The following LDLRAD2 variants were observed in gnomAD, a reference collection of about 807,000 sequenced individuals.
LDLRAD2 encodes low-density lipoprotein receptor class A domain-containing protein 2.
In LDLRAD2, 25 loss-of-function variants were observed where a neutral mutation model predicts 24.9. The observed-to-expected ratio is 1.00, with a 90% confidence interval of 0.73 to 1.40. The LOEUF is 1.40. Ranked by LOEUF, LDLRAD2 falls within the 40% of genes most tolerant of loss-of-function variation. LDLRAD2 has a pLI of 0.00. For missense variants in LDLRAD2, 391 were observed against 366.2 expected (o/e 1.07, Z -0.55); for synonymous variants, 182 against 166.7 (o/e 1.09, Z -0.71).
rs761268346 is a variant in LDLRAD2, at chr1:21,815,967, G to T, written c.536G>T (p.Cys179Phe). ...RLGPCGAYFR[C>F]QNGRCIPSSL... ...GGACCTTGTGGTGCCTACTTCCGCT[G>T]CCAGAATGGCAGGTGCATCCCCTCA... The change falls in exon 3 of 5, where the codon TGC becomes TTC. Residue 179 changes from cysteine to phenylalanine, a missense_variant. Coordinates refer to ENST00000344642, the MANE Select transcript of LDLRAD2 (RefSeq NM_001013693.3). The T allele has an allele frequency of 1.2e-6, 2 of 1,613,970 alleles. No homozygotes were observed. The highest frequency in any genetic ancestry group is 1.7e-6 in the Non-Finnish European group (2 of 1,179,992).
Position 21,824,134 on chromosome 1 carries a change from C to A in LDLRAD2, c.*1919C>A, listed in dbSNP as rs144217842. 13 of 1,613,320 alleles carry A rather than the reference C, an allele frequency of 8.1e-6. No individual in the cohort carries two copies. The South Asian group carries it at 1.3e-4, about 16-fold the overall frequency. ...AGGGTCCCTTACCGCAGTGCTGTCA[C>A]CCGGTGCCACTCGCCGTCATTGATG... On this transcript the variant is annotated 3_prime_UTR_variant, in exon 5 of 5. Transcript: ENST00000344642. This position sits in a 1 kb window ranked among gnomAD's most constrained non-coding sequence, Gnocchi z 5.9.
intron 3 of LDLRAD2, among the ~76,000 whole-genome samples, chr1:21,820,120 A>G (rs1169343812): frequency 2.0e-5 from 3 of 152,228 alleles, no homozygotes; most frequent in Admixed American, 6.5e-5. Flanking sequence ...GGGAATTACA[A>G]TTTGACCTGA....
Position 21,813,014 on chromosome 1 carries a change from C to T in LDLRAD2, c.85+478C>T, listed in dbSNP as rs545131655. Among the ~76,000 whole-genome samples, 5 of 152,276 alleles carry T rather than the reference C, an allele frequency of 3.3e-5. No individual in the cohort carries two copies. The East Asian group carries it at 5.8e-4, about 18-fold the overall frequency. On this transcript the variant is annotated intron_variant, in intron 1 of 4. Transcript: ENST00000344642. ...TGGCACATAAAAGGTGCCAAATTCC[C>T]GGCTGGGCGCAGTGGCTCACGCCTG...
At position 21,814,554 on chromosome 1, in the gene LDLRAD2, T is replaced by TC; in HGVS notation, c.244dup (p.Arg82ProfsTer111). The TC allele has an allele frequency of 6.2e-7, 1 of 1,612,382 alleles. No individual in the cohort carries two copies. The highest frequency in any genetic ancestry group is 8.5e-7 in the Non-Finnish European group (1 of 1,179,538). Reference sequence around the variant, plus strand: ...CCCGGCGACCGGATCCGCTTCCAGTTCCGCTTCTTCCTGGTCTACAGCCTG... The same window carrying TC: ...CCCGGCGACCGGATCCGCTTCCAGTTCCCGCTTCTTCCTGGTCTACAGCCTG... On this transcript the variant is annotated frameshift_variant, in exon 2 of 5. Transcript: ENST00000344642. LOFTEE classifies it high-confidence loss of function.
rs544795980 is a variant in LDLRAD2 at position 21,816,179 on chromosome 1, A to G, written c.643+105A>G. 43 of 1,462,620 alleles carry G rather than the reference A, an allele frequency of 2.9e-5. No individual in the cohort carries two copies. The African/African-American group carries it at 5.0e-4, about 17-fold the overall frequency. The allele number at this position is 1,462,620 out of a possible 1,614,324, so 90.6% of individuals were successfully genotyped here. On this transcript the variant is annotated intron_variant, in intron 3 of 4. Transcript: ENST00000344642. ...CCCCGATGGGGAGGCAGGAGAGAGGAAAGCGGAAGTGTGGAATCGGCTTAG... is the reference window on the plus strand; with the variant it reads ...CCCCGATGGGGAGGCAGGAGAGAGGGAAGCGGAAGTGTGGAATCGGCTTAG...
Position 21,825,023 on chromosome 1 carries a change from G to C in LDLRAD2, c.*2808G>C. ...TGAGCAGTTCTTTCAATGAGATGTA[G>C]GCAAGAAACCAAAGTAGCAGTGGTA... On this transcript the variant is annotated 3_prime_UTR_variant, in exon 5 of 5. Coordinates refer to ENST00000344642, the MANE Select transcript of LDLRAD2 (RefSeq NM_001013693.3). 1.8e-6 allele frequency: 1 copy of C among 556,158 alleles called. No homozygotes were observed. Among genetic ancestry groups the C allele is most frequent in the Non-Finnish European group, 3.3e-6 (1 of 306,836 alleles). 34.5% of individuals were successfully genotyped at this position (556,158 alleles called of 1,614,324 possible).
chr1:21,823,705 C>T lies in LDLRAD2; in HGVS notation c.*1490C>T. The T allele has an allele frequency of 6.2e-7, 1 of 1,613,452 alleles. No homozygotes were observed. Among genetic ancestry groups the T allele is most frequent in the Non-Finnish European group, 8.5e-7 (1 of 1,179,924 alleles). On this transcript the variant is annotated 3_prime_UTR_variant, in exon 5 of 5. Coordinates refer to ENST00000344642, the MANE Select transcript of LDLRAD2 (RefSeq NM_001013693.3). ...CTCCTCACCGTCGACTTGGATGGAA[C>T]CTCTGCGGCCCTCCCTGCAGTGGAA...
chr1:21,817,535 C>G (rs917587769), intron 3 of LDLRAD2, among the ~76,000 whole-genome samples: 2 of 152,050 alleles, frequency 1.3e-5, no homozygotes, highest in African/African-American at 2.4e-5. Flanking sequence ...GAGATGAGGT[C>G]TCACTGTATT....
chr1:21,814,531 C>G lies in LDLRAD2; in HGVS notation c.219C>G (p.Pro73=). The G allele has an allele frequency of 1.2e-6, 2 of 1,612,418 alleles. No individual in the cohort carries two copies. Among genetic ancestry groups the G allele is most frequent in the South Asian group, 1.1e-5 (1 of 91,064 alleles). Residue 73 remains proline (P), a synonymous_variant, in exon 2 of 5, where the codon CCC becomes CCG. Coordinates refer to ENST00000344642, the MANE Select transcript of LDLRAD2 (RefSeq NM_001013693.3). The part of the protein sequence containing the change: ...DCGLWVQAAA[P]GDRIRFQFRF... ...GGCTCTGGGTGCAGGCGGCAGCCCC[C>G]GGCGACCGGATCCGCTTCCAGTTCC...
chr1:21,822,131 G>T, intron 4 of LDLRAD2, 71 bp from the exon 5 acceptor site: 2 of 1,613,346 alleles, frequency 1.2e-6, no homozygotes, highest in Non-Finnish European at 1.7e-6. Context: ...GGGGGCCTGG[G>T]GGCCTCGCTG....
rs926948123 is a variant in LDLRAD2 at position 21,814,676 on chromosome 1, G to T, written c.364G>T (p.Ala122Ser). The T allele has an allele frequency of 7.0e-6, 11 of 1,564,582 alleles. No individual in the cohort carries two copies. Among genetic ancestry groups the T allele is most frequent in the East Asian group, 2.4e-5 (1 of 41,594 alleles). Residue 122 changes from alanine to serine, a missense_variant, in exon 2 of 5, where the codon GCG (alanine) becomes TCG (serine). Ala to Ser is a moderately conservative substitution (Grantham distance 99). Transcript: ENST00000344642. ...YLQFYEGPPG[A>S]PRPLGSPLCG... ...GCAGTTCTACGAGGGCCCGCCGGGG[G>T]CGCCCCGGCCCCTGGGGTCCCCACT...
chr1:21,824,631 G>C lies in LDLRAD2; in HGVS notation c.*2416G>C. 2 of 1,613,976 alleles carry C rather than the reference G, an allele frequency of 1.2e-6. No homozygotes were observed. Among genetic ancestry groups the C allele is most frequent in the Non-Finnish European group, 1.7e-6 (2 of 1,179,998 alleles). On this transcript the variant is annotated 3_prime_UTR_variant, in exon 5 of 5. Coordinates refer to ENST00000344642, the MANE Select transcript of LDLRAD2 (RefSeq NM_001013693.3). The surrounding 1 kb of genome is among the most constrained non-coding windows in gnomAD (Gnocchi z 5.9). ...CTCGGGCAGGCTGCGGAGGAAGAGCGGGTGAGGGGACAGAAGTCCCAGATT... is the reference window on the plus strand; with the variant it reads ...CTCGGGCAGGCTGCGGAGGAAGAGCCGGTGAGGGGACAGAAGTCCCAGATT...
At position 21,814,817 on chromosome 1, in the gene LDLRAD2, C is replaced by T; in HGVS notation, c.505C>T (p.Arg169Cys). 6.8e-7 allele frequency: 1 copy of T among 1,474,326 alleles called. No homozygotes were observed. The highest frequency in any genetic ancestry group is 8.9e-7 in the Non-Finnish European group (1 of 1,120,964). The allele number at this position is 1,474,326 out of a possible 1,614,324, so 91.3% of individuals were successfully genotyped here. ...CTTCGTGGGCGAAGTCACCTCTTTC[C>T]GTCTGGGTGAGCTGGGGCTGAAGGC... ...VDFVGEVTSF[R>C]LGPCGAYFRC... The change falls in exon 2 of 5, where the codon CGT (arginine) becomes TGT (cysteine). Residue 169 changes from arginine to cysteine, a missense_variant. Arg to Cys is a radical substitution (Grantham distance 180). Coordinates refer to ENST00000344642, the MANE Select transcript of LDLRAD2 (RefSeq NM_001013693.3).
rs139543277 is a variant in LDLRAD2 at position 21,820,866 on chromosome 1, G to C, written c.644-584G>C. On this transcript the variant is annotated intron_variant, in intron 3 of 4. Coordinates refer to ENST00000344642, the MANE Select transcript of LDLRAD2 (RefSeq NM_001013693.3). Reference sequence around the variant, plus strand: ...TGTAAACTGTGAGTGGCATACATAGGTAACGGGCCCAGCACAGAGTGTGGT... The same window carrying C: ...TGTAAACTGTGAGTGGCATACATAGCTAACGGGCCCAGCACAGAGTGTGGT... 4.4e-3 allele frequency among the ~76,000 whole-genome samples: 667 copies of C among 152,306 alleles called. 3 individuals are homozygous for C. Among genetic ancestry groups the C allele is most frequent in the Non-Finnish European group, 7.6e-3 (520 of 68,032 alleles).
chr1:21,824,069 C>A lies in LDLRAD2; in HGVS notation c.*1854C>A, dbSNP rs1040206506. 1.7e-5 allele frequency: 25 copies of A among 1,511,232 alleles called. No individual in the cohort carries two copies. In the African/African-American group the frequency reaches 2.9e-4, roughly 17 times the overall value. The allele number at this position is 1,511,232 out of a possible 1,614,324, so 93.6% of individuals were successfully genotyped here. ...TCTGCCCATGGTAGGGGGCGTCCTG[C>A]CCCACTCCAGAACGCTGGGCCCCAT... is the stretch of plus-strand genomic sequence containing the variant. On this transcript the variant is annotated 3_prime_UTR_variant, in exon 5 of 5. Transcript: ENST00000344642. The surrounding 1 kb of genome is among the most constrained non-coding windows in gnomAD (Gnocchi z 5.9).
chr1:21,824,748 G>A lies in LDLRAD2; in HGVS notation c.*2533G>A, dbSNP rs111919988. ...CAGGGAAGGCGAGGAAGCCATCATC[G>A]TGGAAATAGGCTCCGTACTGCCCAG... On this transcript the variant is annotated 3_prime_UTR_variant, in exon 5 of 5. Transcript: ENST00000344642. This position sits in a 1 kb window ranked among gnomAD's most constrained non-coding sequence, Gnocchi z 5.9. The A allele has an allele frequency of 1.7e-5, 28 of 1,613,380 alleles. No individual in the cohort carries two copies. In the African/African-American group the frequency reaches 2.0e-4, roughly 12 times the overall value.
chr1:21,819,545 A>C (rs1439534526), intron 3 of LDLRAD2, among the ~76,000 whole-genome samples: 5 of 145,100 alleles, frequency 3.4e-5, no homozygotes, highest in Admixed American at 7.2e-5. Flanking sequence ...GAAAATTATA[A>C]ATTTTCTTTA....
chr1:21,822,177 C>A (rs200941351), intron 4 of LDLRAD2, 25 bp from the exon 5 acceptor site: 118 of 1,614,158 alleles, frequency 7.3e-5, no homozygotes, highest in Admixed American at 6.7e-4. Flanking sequence ...CAGATCTCAC[C>A]TGCCCTGCTC....
Position 21,824,200 on chromosome 1 carries a change from G to C in LDLRAD2, c.*1985G>C. Reference sequence around the variant, plus strand: ...AGGCGGGCCTCCCCACTACCCAGCTGGTACCTGCAGTCATCCAGGCCCAAG... The same window carrying C: ...AGGCGGGCCTCCCCACTACCCAGCTCGTACCTGCAGTCATCCAGGCCCAAG... On this transcript the variant is annotated 3_prime_UTR_variant, in exon 5 of 5. Transcript: ENST00000344642. This position sits in a 1 kb window ranked among gnomAD's most constrained non-coding sequence, Gnocchi z 5.9. The C allele has an allele frequency of 6.2e-7, 1 of 1,613,808 alleles. No homozygotes were observed. Among genetic ancestry groups the C allele is most frequent in the Non-Finnish European group, 8.5e-7 (1 of 1,179,998 alleles).
Sources: allele counts gnomAD v4.1 joint callset (sites outside exome capture counted in the v4.1 genomes callset), GRCh38; gene constraint gnomAD v4.1.1; non-coding constraint Gnocchi (gnomAD v3.1); transcripts MANE v1.5; gene names NCBI Gene and HGNC (gene_info 2026-07-23, HGNC 2026-07-21).